Variants in THADA observed in about 807,000 individuals in gnomAD.
The protein encoded by THADA is THADA armadillo repeat containing.
In THADA, 213 loss-of-function variants were observed where a neutral mutation model predicts 219.8. The observed-to-expected ratio is 0.97, with a 90% confidence interval of 0.87 to 1.09. The LOEUF (loss-of-function observed/expected upper bound fraction) is 1.09, where lower values mean the gene tolerates loss of function less well. Ranked by LOEUF, THADA falls within the 50% of genes least tolerant of loss-of-function variation. THADA has a pLI of 0.00. For synonymous variants in THADA, 1,018 were observed against 828.9 expected, an observed-to-expected ratio of 1.23 and a Z score of -3.92; for missense variants, 2,956 against 2,311.3, an observed-to-expected ratio of 1.28 and a Z score of -5.72.
intron 26 of THADA, among the ~76,000 whole-genome samples, chr2:43,440,940 T>G (rs1034464305): frequency 6.6e-6 from 1 of 152,228 alleles, no homozygotes; most frequent in African/African-American, 2.4e-5. Flanking sequence ...TGTCATGCAG[T>G]TACCTTAGCA....
chr2:43,263,496 TC>T (rs1671190986), intron 36 of THADA, among the ~76,000 whole-genome samples: 1 of 152,250 alleles, frequency 6.6e-6, no homozygotes, highest in Admixed American at 6.5e-5. Context: ...TTGGGATGTA[TC>T]CGAGGTATAC....
Position 43,338,154 on chromosome 2 carries a change from C to CTT in THADA, c.4343+5966_4343+5967dup, listed in dbSNP as rs35928615. On this transcript the variant is annotated intron_variant, in intron 30 of 37. Coordinates refer to ENST00000405975, the MANE Select transcript of THADA (RefSeq NM_022065.5). ...ATTGTTGTGTAACAAATCACCAGAA[C>CTT]TTTTTTTTTTTTTTTTTTTTGAGAC... 1.9e-3 allele frequency among the ~76,000 whole-genome samples: 242 copies of CTT among 126,302 alleles called. 1 individual carries two copies. Among genetic ancestry groups the CTT allele is most frequent in the South Asian group, 9.5e-3 (36 of 3,802 alleles). The allele number at this position is 126,302 out of a possible 152,430, so 82.9% of individuals were successfully genotyped here.
chr2:43,245,047 C>G (rs1462737701), intron 36 of THADA, among the ~76,000 whole-genome samples: 3 of 152,212 alleles, frequency 2.0e-5, no homozygotes, highest in African/African-American at 7.2e-5. Flanking sequence ...TTCACCAGCT[C>G]TGAGGACACA....
chr2:43,425,208 G>A lies in THADA; in HGVS notation c.4058+2892C>T, dbSNP rs115232255. The stretch of plus-strand genomic sequence containing the variant: ...CTCTCTGAACCTCAATTTCCTCAAC[G>A]GGCAAATGAGGGTGATAACACCTCT... On this transcript the variant is annotated intron_variant, in intron 28 of 37. Coordinates refer to ENST00000405975, the MANE Select transcript of THADA (RefSeq NM_022065.5). Among the ~76,000 whole-genome samples, 515 of 152,116 alleles carry A rather than the reference G, an allele frequency of 3.4e-3. 4 individuals carry two copies. The highest frequency in any genetic ancestry group is 0.011 in the African/African-American group (452 of 41,488).
In THADA at chr2:43,434,191, C is replaced by T. The variant is rs141346581; in HGVS notation, c.3837-3889G>A. On this transcript the variant is annotated intron_variant, in intron 26 of 37. Coordinates refer to ENST00000405975, the MANE Select transcript of THADA (RefSeq NM_022065.5). ...ACAGGAGCAGACATATATTAATACA[C>T]GTATAAAACTTGATTTGTGTAAGAG... 3.2e-4 allele frequency among the ~76,000 whole-genome samples: 48 copies of T among 152,296 alleles called. 1 individual carries two copies. In the East Asian group the frequency reaches 8.1e-3, roughly 26 times the overall value.
At chr2:43,502,534 G>C (rs1689123589) in intron 24 of THADA, among the ~76,000 whole-genome samples, 1 of 145,480 alleles carries the variant, frequency 6.9e-6, no homozygotes, top group Admixed American at 7.1e-5. Context: ...GCAGTGAGCT[G>C]AGATCGTGCC....
chr2:43,381,392 C>T (rs376456282), intron 29 of THADA, among the ~76,000 whole-genome samples: 7 of 152,204 alleles, frequency 4.6e-5, no homozygotes, highest in South Asian at 4.1e-4. Context: ...ATACTCCCCC[C>T]ACCCAGCCTC....
intron 31 of THADA, among the ~76,000 whole-genome samples, chr2:43,297,998 GT>G (rs1558541013): frequency 0.18 from 4 of 22 alleles, no homozygotes; most frequent in Admixed American, 0.5. Context: ...GGGAGGGAGT[GT>G]GGGGGGGGTC....
intron 26 of THADA, among the ~76,000 whole-genome samples, chr2:43,444,907 G>C (rs1395821996): frequency 6.6e-6 from 1 of 152,152 alleles, no homozygotes; most frequent in Non-Finnish European, 1.5e-5. Context: ...AGTAGTAAAG[G>C]TGTGGGTTGT....
intron 26 of THADA, among the ~76,000 whole-genome samples, chr2:43,438,486 A>G (rs1680428440): frequency 6.6e-6 from 1 of 152,158 alleles, no homozygotes; most frequent in Non-Finnish European, 1.5e-5. Flanking sequence ...GTGTTTACCT[A>G]GTGACTCAAG....
intron 25 of THADA, 99 bp downstream of exon 25, chr2:43,498,734 G>T: frequency 7.9e-7 from 1 of 1,266,354 alleles, no homozygotes; most frequent in Non-Finnish European, 1.1e-6. Context: ...CATGGTAAAG[G>T]GCAGGAAATA....
intron 21 of THADA, chr2:43,538,382 G>A (rs952710890): frequency 6.6e-6 from 1 of 152,138 alleles, no homozygotes; most frequent in African/African-American, 2.4e-5. Flanking sequence ...CACTATGAAA[G>A]AACCTTTCAT....
intron 13 of THADA, 58 bp downstream of exon 13, chr2:43,571,649 A>G (rs948518375): frequency 2.6e-6 from 4 of 1,549,728 alleles, no homozygotes; most frequent in Non-Finnish European, 3.5e-6. Context: ...CTCTTTTTAA[A>G]AACGATTTCC....
At chr2:43,523,898 G>GT (rs1381135199) in intron 22 of THADA, among the ~76,000 whole-genome samples, 1 of 152,096 alleles carries the variant, frequency 6.6e-6, no homozygotes, top group Non-Finnish European at 1.5e-5. Context: ...TTATAGTTAA[G>GT]TTTGTATCTT....
At chr2:43,532,132 C>G (rs1693955380) in intron 21 of THADA, among the ~76,000 whole-genome samples, 1 of 151,900 alleles carries the variant, frequency 6.6e-6, no homozygotes, top group African/African-American at 2.4e-5. Flanking sequence ...ATGAAAGAGG[C>G]CAGGCACGGT....
intron 31 of THADA, among the ~76,000 whole-genome samples, chr2:43,295,787 T>C (rs1011436708): frequency 6.6e-6 from 1 of 152,184 alleles, no homozygotes; most frequent in Non-Finnish European, 1.5e-5. Context: ...TTTAAAAATA[T>C]AGAGTATTTA....
chr2:43,514,728 TA>T (rs1691066994), intron 22 of THADA, among the ~76,000 whole-genome samples: 2 of 85,284 alleles, frequency 2.3e-5, no homozygotes, highest in African/African-American at 1.0e-4. Context: ...ATATTATATA[TA>T]ATATGTATAA....
At chr2:43,549,024 G>A (rs149199448) in intron 20 of THADA, among the ~76,000 whole-genome samples, 186 bp downstream of exon 20, 1,720 of 152,006 alleles carry the variant, frequency 0.011, 39 homozygotes, top group African/African-American at 0.039. Context: ...CCACCCCCCT[G>A]GTAAAAGTCT....
intron 26 of THADA, among the ~76,000 whole-genome samples, chr2:43,459,100 C>T (rs1683338731): frequency 6.6e-6 from 1 of 152,172 alleles, no homozygotes; most frequent in Admixed American, 6.5e-5. Context: ...AATGATCATA[C>T]TAAAGCAAAT....
Sources: allele counts gnomAD v4.1 joint callset (sites outside exome capture counted in the v4.1 genomes callset), GRCh38; gene constraint gnomAD v4.1.1; transcripts MANE v1.5; gene names NCBI Gene and HGNC (gene_info 2026-07-23, HGNC 2026-07-21).